ARID1B: variants seen among roughly 807,000 people sequenced by gnomAD.
The protein encoded by ARID1B is AT-rich interactive domain-containing protein 1B.
A neutral mutation model predicts 212.3 loss-of-function variants in ARID1B; 30 were observed. The observed-to-expected ratio is 0.14, with a 90% CI of 0.11 to 0.19. ARID1B has a LOEUF of 0.19. ARID1B is among the 10% of genes least tolerant of loss of function. The pLI is 1.00. For missense variants in ARID1B, 2,891 were observed against 3,204.0 expected, an observed-to-expected ratio of 0.90 and a Z score of 2.36; for synonymous variants, 1,402 against 1,301.7, an observed-to-expected ratio of 1.08 and a Z score of -1.66.
At chr6:156,796,063 T>C (rs1451753203) in intron 1 of ARID1B, among the ~76,000 whole-genome samples, 3 of 152,196 alleles carry the variant, frequency 2.0e-5, no homozygotes, top group Non-Finnish European at 2.9e-5. Flanking sequence ...TTTCAGCGTG[T>C]GTGCTCCTCA....
intron 1 of ARID1B, among the ~76,000 whole-genome samples, chr6:156,795,622 C>T (rs899802149): frequency 5.3e-5 from 8 of 152,256 alleles, no homozygotes; most frequent in South Asian, 2.1e-4. Context: ...TGTAGCCACA[C>T]GGTCATTTTG....
chr6:157,035,407 A>G (rs1781267659), intron 4 of ARID1B, among the ~76,000 whole-genome samples: 1 of 152,184 alleles, frequency 6.6e-6, no homozygotes, highest in African/African-American at 2.4e-5. Context: ...AAAGTCTCCA[A>G]TGTTGATTAG....
intron 4 of ARID1B, among the ~76,000 whole-genome samples, chr6:156,950,657 G>C (rs973753656): frequency 2.6e-5 from 4 of 152,100 alleles, no homozygotes; most frequent in Admixed American, 2.6e-4. Context: ...TGCTCTTTCC[G>C]AGTCTTATTT....
At chr6:156,846,483 C>T (rs999793201) in intron 2 of ARID1B, among the ~76,000 whole-genome samples, 2 of 152,032 alleles carry the variant, frequency 1.3e-5, no homozygotes, top group African/African-American at 4.8e-5. Flanking sequence ...CTTGAGGTGT[C>T]TGGTGGTCCT....
chr6:156,882,378 G>C (rs1017135656), intron 2 of ARID1B, among the ~76,000 whole-genome samples: 1 of 152,182 alleles, frequency 6.6e-6, no homozygotes, highest in African/African-American at 2.4e-5. Flanking sequence ...TCTGTTCAGA[G>C]ATTCTGTCTT....
intron 4 of ARID1B, among the ~76,000 whole-genome samples, chr6:157,061,927 A>G (rs1327045422): frequency 1.3e-5 from 2 of 152,190 alleles, no homozygotes; most frequent in Non-Finnish European, 2.9e-5. Flanking sequence ...GGTAGGAGGA[A>G]AGTATTTTTA....
At chr6:156,969,951 A>G (rs919573749) in intron 4 of ARID1B, among the ~76,000 whole-genome samples, 8 of 151,288 alleles carry the variant, frequency 5.3e-5, no homozygotes, top group Non-Finnish European at 1.0e-4. Context: ...GATTAAAGCA[A>G]TTCAGACTTG....
intron 4 of ARID1B, among the ~76,000 whole-genome samples, chr6:156,970,338 C>G (rs1215150188): frequency 6.6e-6 from 1 of 152,166 alleles, no homozygotes; most frequent in East Asian, 1.9e-4. Flanking sequence ...CTGCCTCGGC[C>G]TCCCAAAGTG....
chr6:157,021,119 A>G (rs557458238), intron 4 of ARID1B, among the ~76,000 whole-genome samples: 35 of 147,110 alleles, frequency 2.4e-4, no homozygotes, highest in Non-Finnish European at 3.4e-4. Flanking sequence ...CGCTTGAGAG[A>G]GGGGGATTTT....
In ARID1B at chr6:157,065,361, T is replaced by C. The variant is rs1298695482; in HGVS notation, c.2248-19301T>C. 2.6e-5 allele frequency among the ~76,000 whole-genome samples: 4 copies of C among 152,240 alleles called. No individual in the cohort carries two copies. In the East Asian group the frequency reaches 7.7e-4, roughly 29 times the overall value. ...TCTGTACCATAATCGGGATATATCATTCCATATGTGTATGCCTGTGAATTC... is the reference window on the plus strand; with the variant it reads ...TCTGTACCATAATCGGGATATATCACTCCATATGTGTATGCCTGTGAATTC... On this transcript the variant is annotated intron_variant, in intron 4 of 19. Coordinates refer to ENST00000636930, the MANE Select transcript of ARID1B (RefSeq NM_001374828.1).
chr6:156,943,652 G>A (rs892483634), intron 4 of ARID1B: 7 of 152,152 alleles, frequency 4.6e-5, no homozygotes, highest in African/African-American at 1.7e-4. Flanking sequence ...GCATGCATCT[G>A]TGCATATGGT....
chr6:157,094,854 G>A lies in ARID1B; in HGVS notation c.2491+9949G>A, dbSNP rs1785506830. On this transcript the variant is annotated intron_variant, in intron 5 of 19. Coordinates refer to ENST00000636930, the MANE Select transcript of ARID1B (RefSeq NM_001374828.1). The surrounding 1 kb of genome is among the most constrained non-coding windows in gnomAD (Gnocchi z 4.3). ...ATGGCCGCTTGGATGTGCACATAGC[G>A]GGAGTAGTGGCAGAAGGAGTTTGGC... is the stretch of plus-strand genomic sequence containing the variant. 6.6e-6 allele frequency among the ~76,000 whole-genome samples: 1 copy of A among 152,164 alleles called. No individual in the cohort carries two copies. The highest frequency in any genetic ancestry group is 1.5e-5 in the Non-Finnish European group (1 of 68,026).
At chr6:156,805,365 A>T (rs1486496421) in intron 1 of ARID1B, among the ~76,000 whole-genome samples, 1 of 152,206 alleles carries the variant, frequency 6.6e-6, no homozygotes, top group African/African-American at 2.4e-5. Context: ...CATTTTTTGT[A>T]AAATGGGAAT....
chr6:156,829,432 GT>G lies in ARID1B; in HGVS notation c.1986+12del. 1 of 1,611,092 alleles carries G rather than the reference GT, an allele frequency of 6.2e-7. No homozygotes were observed. The highest frequency in any genetic ancestry group is 8.5e-7 in the Non-Finnish European group (1 of 1,178,172). Reference sequence around the variant, plus strand: ...TACCCTCAGCAGCAGGTTTGTGCTGGTCCCCCGACCCGCTGCTTTTTTGTAA... The same window carrying G: ...TACCCTCAGCAGCAGGTTTGTGCTGGCCCCCGACCCGCTGCTTTTTTGTAA... On this transcript the variant is annotated intron_variant, in intron 2 of 19. Coordinates refer to ENST00000636930, the MANE Select transcript of ARID1B (RefSeq NM_001374828.1).
chr6:157,085,077 A>C (rs544382650), intron 5 of ARID1B, among the ~76,000 whole-genome samples, 172 bp downstream of exon 5: 1 of 152,354 alleles, frequency 6.6e-6, no homozygotes, highest in Non-Finnish European at 1.5e-5. Context: ...GATATTCAAC[A>C]GGTGATTATA....
chr6:157,156,729 C>T (rs1392232375), intron 8 of ARID1B, among the ~76,000 whole-genome samples: 1 of 152,158 alleles, frequency 6.6e-6, no homozygotes, highest in Non-Finnish European at 1.5e-5. Flanking sequence ...TCCAAAATCC[C>T]CTGGTGGTTC....
chr6:157,095,301 C>G (rs1318183389), intron 5 of ARID1B, among the ~76,000 whole-genome samples: 1 of 152,196 alleles, frequency 6.6e-6, no homozygotes, highest in Non-Finnish European at 1.5e-5. Context: ...GCTGGCCCAG[C>G]CCTGGAGATG....
At chr6:156,858,730 T>C (rs1583171332) in intron 2 of ARID1B, among the ~76,000 whole-genome samples, 1 of 152,032 alleles carries the variant, frequency 6.6e-6, no homozygotes, top group East Asian at 1.9e-4. Flanking sequence ...GATCCCACCA[T>C]TGCACTCCAG....
chr6:156,973,427 A>G (rs1374570922), intron 4 of ARID1B, among the ~76,000 whole-genome samples: 1 of 152,196 alleles, frequency 6.6e-6, no homozygotes, highest in Non-Finnish European at 1.5e-5. Flanking sequence ...ATCGTTTGCT[A>G]TAAATTACTT....
Sources: allele counts gnomAD v4.1 joint callset (sites outside exome capture counted in the v4.1 genomes callset), GRCh38; gene constraint gnomAD v4.1.1; non-coding constraint Gnocchi (gnomAD v3.1); transcripts MANE v1.5; gene names NCBI Gene and HGNC (gene_info 2026-07-23, HGNC 2026-07-21).